ANK3: variants seen among roughly 807,000 people sequenced by gnomAD.
The protein encoded by ANK3 is ankyrin 3.
In ANK3, 57 loss-of-function variants were observed where a neutral mutation model predicts 370.9. The ratio of observed to expected loss-of-function variants is 0.15; its 90% CI spans 0.12 to 0.19. The LOEUF (loss-of-function observed/expected upper bound fraction) is 0.19, where lower values mean the gene tolerates loss of function less well. Among genes scored for constraint, ANK3 ranks in the 10% least tolerant of loss-of-function variants. The probability of loss-of-function intolerance (pLI) is 1.00; values close to 1 mark genes in which losing one functional copy is unlikely to be tolerated. For synonymous variants in ANK3, 1,929 were observed against 1,946.3 expected, an observed-to-expected ratio of 0.99 and a Z score of 0.23; for missense variants, 4,439 against 5,302.1, an observed-to-expected ratio of 0.84 and a Z score of 5.06.
At chr10:60,554,569 C>T (rs115702967) in intron 2 of ANK3, among the ~76,000 whole-genome samples, 1,610 of 152,260 alleles carry the variant, frequency 0.011, 33 homozygotes, top group African/African-American at 0.037. Flanking sequence ...TAAATGAATG[C>T]ATTCTAAAGT....
chr10:60,187,783 T>G (rs2096382408), intron 16 of ANK3, among the ~76,000 whole-genome samples: 2 of 152,174 alleles, frequency 1.3e-5, no homozygotes, highest in Non-Finnish European at 2.9e-5. Context: ...TTCATGCTGG[T>G]CTGTCATCCT....
intron 2 of ANK3, among the ~76,000 whole-genome samples, chr10:60,553,998 T>C (rs749069155): frequency 2.6e-5 from 4 of 152,198 alleles, no homozygotes; most frequent in Non-Finnish European, 5.9e-5. Context: ...AGCTTTCACA[T>C]AGAAATTAGA....
chr10:60,548,599 C>G (rs2077024061), intron 2 of ANK3, among the ~76,000 whole-genome samples: 2 of 152,034 alleles, frequency 1.3e-5, no homozygotes. Flanking sequence ...GGGTTGGGTC[C>G]TGATTTATTA....
intron 14 of ANK3, among the ~76,000 whole-genome samples, chr10:60,198,012 T>C (rs889142234): frequency 1.3e-5 from 2 of 152,242 alleles, no homozygotes; most frequent in African/African-American, 4.8e-5. Context: ...GTGGTTTGTG[T>C]GCTTGGCCTG....
chr10:60,577,161 A>G (rs1268845611), intron 2 of ANK3, among the ~76,000 whole-genome samples: 4 of 152,130 alleles, frequency 2.6e-5, no homozygotes, highest in African/African-American at 7.2e-5. Context: ...GTGAGAGGGA[A>G]TAGGTGGCCA....
At chr10:60,085,486 T>G (rs2086432339) in intron 30 of ANK3, among the ~76,000 whole-genome samples, 1 of 152,228 alleles carries the variant, frequency 6.6e-6, no homozygotes. Context: ...AATTCCTTGT[T>G]TTTTGTCTGG....
chr10:60,515,611 A>G (rs2076198546), intron 2 of ANK3, among the ~76,000 whole-genome samples: 1 of 152,172 alleles, frequency 6.6e-6, no homozygotes, highest in Non-Finnish European at 1.5e-5. Context: ...ATATTATAGT[A>G]GTTAACCAGC....
chr10:60,414,763 A>C (rs1011061994), intron 2 of ANK3, among the ~76,000 whole-genome samples: 5 of 152,232 alleles, frequency 3.3e-5, no homozygotes, highest in Non-Finnish European at 7.3e-5. Context: ...AGTCATAAAA[A>C]GTTGGTGGCA....
At chr10:60,461,959 G>C (rs182739188) in intron 2 of ANK3, among the ~76,000 whole-genome samples, 27 of 152,280 alleles carry the variant, frequency 1.8e-4, no homozygotes, top group Admixed American at 7.2e-4. Flanking sequence ...GGTAGTCAGC[G>C]GGTGGGGGAC....
chr10:60,616,615 A>AT (rs1165835079), intron 1 of ANK3, among the ~76,000 whole-genome samples: 11 of 151,888 alleles, frequency 7.2e-5, no homozygotes, highest in Admixed American at 5.2e-4. Context: ...TATGATATAC[A>AT]TTTTTGTCTA....
At chr10:60,732,331 T>C (rs2080035019) in intron 1 of ANK3, among the ~76,000 whole-genome samples, 1 of 152,150 alleles carries the variant, frequency 6.6e-6, no homozygotes. Context: ...AATGCAAACA[T>C]AAGCGAGTGT....
rs1487994612 is a variant in ANK3 at position 60,076,039 on chromosome 10, C to T, written c.4842G>A (p.Leu1614=). 6.2e-7 allele frequency: 1 copy of T among 1,614,070 alleles called. No homozygotes were observed. The highest frequency in any genetic ancestry group is 1.3e-5 in the African/African-American group (1 of 74,920). The change falls in exon 37 of 44, where the codon CTG becomes CTA. Residue 1614 remains leucine (L), a synonymous_variant. Coordinates refer to ENST00000280772, the MANE Select transcript of ANK3 (RefSeq NM_020987.5). ...GAGAGGAAAACGTAGAATTGGATGC[C>T]AGCCCTTTTAAGGGCGTAGCTTCCG... ...AVTEATPLKG[L]ASNSTFSSRT...
intron 2 of ANK3, among the ~76,000 whole-genome samples, chr10:60,586,064 G>C (rs1233426424): frequency 6.9e-6 from 1 of 145,964 alleles, no homozygotes; most frequent in East Asian, 2.0e-4. Flanking sequence ...AAAAGACTTT[G>C]ACATTTTGAG....
At chr10:60,355,476 T>C (rs2057582135) in intron 1 of ANK3, among the ~76,000 whole-genome samples, 1 of 152,200 alleles carries the variant, frequency 6.6e-6, no homozygotes, top group Non-Finnish European at 1.5e-5. Flanking sequence ...CATGACCTTG[T>C]TGGACAGAGC....
At chr10:60,263,399 C>T (rs1193531108) in intron 6 of ANK3, among the ~76,000 whole-genome samples, 1 of 152,212 alleles carries the variant, frequency 6.6e-6, no homozygotes, top group African/African-American at 2.4e-5. Flanking sequence ...TTGGCTGCGG[C>T]TCTCTTGCTG....
chr10:60,598,961 C>T (rs1272287607), intron 2 of ANK3, among the ~76,000 whole-genome samples: 6 of 152,120 alleles, frequency 3.9e-5, no homozygotes, highest in Admixed American at 1.3e-4. Context: ...CAGGGTCTTG[C>T]TCTGTTGCCC....
intron 1 of ANK3, among the ~76,000 whole-genome samples, chr10:60,619,603 T>C (rs1157520185): frequency 6.6e-6 from 1 of 152,216 alleles, no homozygotes; most frequent in Admixed American, 6.5e-5. Context: ...ATCATGTGCC[T>C]AGGGCTCTCA....
intron 2 of ANK3, among the ~76,000 whole-genome samples, chr10:60,399,930 C>A (rs1275982392): frequency 6.6e-6 from 1 of 151,988 alleles, no homozygotes; most frequent in East Asian, 1.9e-4. Context: ...GTGTCCGTTG[C>A]ATTAGCCCTT....
intron 18 of ANK3, among the ~76,000 whole-genome samples, chr10:60,177,593 C>CTTTTTTTTTTTTTTTTTTTTT (rs771714886): frequency 1.9e-5 from 2 of 106,250 alleles, no homozygotes; most frequent in Non-Finnish European, 1.8e-5. Flanking sequence ...GTCTTCAAAT[C>CTTTTTTTTTTTTTTTTTTTTT]TTTTTTTTTT....
Sources: gnomAD v4.1 joint callset for allele counts (sites outside exome capture counted in the v4.1 genomes callset) on GRCh38, gnomAD v4.1.1 for gene constraint, MANE v1.5 for transcripts, NCBI Gene and HGNC (gene_info 2026-07-23, HGNC 2026-07-21) for gene names.